CNTN4: variants seen among roughly 807,000 people sequenced by gnomAD.
CNTN4 encodes the protein contactin-4.
CNTN4 carries 77 observed loss-of-function variants against 122.5 expected under a neutral mutation model. The observed-to-expected ratio is 0.63, with a 90% CI of 0.52 to 0.76. The LOEUF (loss-of-function observed/expected upper bound fraction) is 0.76. CNTN4 is among the 30% of genes least tolerant of loss of function. The pLI is 0.00. For synonymous variants in CNTN4, 512 were observed against 447.0 expected (o/e 1.15, Z -1.83); for missense variants, 1,256 against 1,259.1 (o/e 1.00, Z 0.04).
At chr3:2,747,863 A>G (rs945320961) in intron 6 of CNTN4, among the ~76,000 whole-genome samples, 34 of 152,332 alleles carry the variant, frequency 2.2e-4, no homozygotes, top group African/African-American at 8.2e-4. Context: ...TCAAAAATAC[A>G]AAAACAAACT....
chr3:2,445,817 T>C (rs1002435110), intron 3 of CNTN4, among the ~76,000 whole-genome samples: 1 of 152,156 alleles, frequency 6.6e-6, no homozygotes, highest in African/African-American at 2.4e-5. Flanking sequence ...CCCATCTCTC[T>C]CCACCACATC....
At chr3:2,106,377 C>G (rs2032442789) in intron 2 of CNTN4, among the ~76,000 whole-genome samples, 1 of 152,226 alleles carries the variant, frequency 6.6e-6, no homozygotes, top group African/African-American at 2.4e-5. Flanking sequence ...TTCATCACAC[C>G]TCTTGCCTGG....
chr3:2,795,314 G>A (rs539083828), intron 6 of CNTN4, among the ~76,000 whole-genome samples: 3 of 152,158 alleles, frequency 2.0e-5, no homozygotes, highest in African/African-American at 7.2e-5. Flanking sequence ...TGGTGGCATT[G>A]GTTCAAACAT....
At chr3:2,230,452 C>G (rs1248811338) in intron 2 of CNTN4, among the ~76,000 whole-genome samples, 3 of 152,174 alleles carry the variant, frequency 2.0e-5, no homozygotes, top group Non-Finnish European at 4.4e-5. Flanking sequence ...CTGATTTCAA[C>G]ACCGTGCTGG....
intron 15 of CNTN4, among the ~76,000 whole-genome samples, chr3:3,029,960 A>G (rs1699027622): frequency 6.6e-6 from 1 of 152,190 alleles, no homozygotes; most frequent in Non-Finnish European, 1.5e-5. Context: ...TTGGAATGGG[A>G]AAATGAAGGA....
Position 2,936,169 on chromosome 3 carries a change from T to G in CNTN4, c.1358+10390T>G, listed in dbSNP as rs922962318. ...GTCCTCCATCGGTTGAGTTCAGTGT[T>G]TGTACTCAGGTAGTGTCTGCCGTGA... On this transcript the variant is annotated intron_variant, in intron 13 of 24. Transcript: ENST00000418658. Among the ~76,000 whole-genome samples, 18 of 152,274 alleles carry G rather than the reference T, an allele frequency of 1.2e-4. No homozygotes were observed. In the East Asian group the frequency reaches 3.5e-3, roughly 29 times the overall value.
chr3:2,709,416 G>C lies in CNTN4; in HGVS notation c.56-26799G>C, dbSNP rs1205810503. Among the ~76,000 whole-genome samples, 1 of 151,960 alleles carries C rather than the reference G, an allele frequency of 6.6e-6. No homozygotes were observed. Among genetic ancestry groups the C allele is most frequent in the Non-Finnish European group, 1.5e-5 (1 of 67,982 alleles). ...TGGTAAGGGTACAACCTGTGCACCA[G>C]GGATTTTCAAAGTTCCCTCAGGTGA... is the stretch of plus-strand genomic sequence containing the variant. On this transcript the variant is annotated intron_variant, in intron 4 of 24. Coordinates refer to ENST00000418658, the MANE Select transcript of CNTN4 (RefSeq NM_175607.3). The surrounding 1 kb of genome is among the most constrained non-coding windows in gnomAD (Gnocchi z 5.0).
At chr3:2,819,699 C>A in intron 7 of CNTN4, 118 bp downstream of exon 7, 1 of 827,812 alleles carries the variant, frequency 1.2e-6, no homozygotes, top group East Asian at 2.6e-5. Context: ...TCCCAAAGCC[C>A]CTCCATGTGG....
rs368672441 is a variant in CNTN4 at position 2,650,304 on chromosome 3, C to T, written c.55+78746C>T. ...AGCCCAGAGAGAGAAGTGATTGAAT[C>T]GCTGCCATCATGATAAAACTTGAAT... On this transcript the variant is annotated intron_variant, in intron 4 of 24. Coordinates refer to ENST00000418658, the MANE Select transcript of CNTN4 (RefSeq NM_175607.3). Among the ~76,000 whole-genome samples the T allele has an allele frequency of 7.2e-5, 11 of 152,020 alleles. No individual in the cohort carries two copies. The East Asian group carries it at 7.8e-4, about 11-fold the overall frequency.
chr3:2,352,945 T>A (rs2044698188), intron 3 of CNTN4, among the ~76,000 whole-genome samples: 1 of 152,186 alleles, frequency 6.6e-6, no homozygotes, highest in Non-Finnish European at 1.5e-5. Flanking sequence ...CAGTGCTCTG[T>A]GTCTAGCTAA....
At chr3:2,797,922 T>TTA (rs201046096) in intron 6 of CNTN4, among the ~76,000 whole-genome samples, 25 of 134,390 alleles carry the variant, frequency 1.9e-4, no homozygotes, top group African/African-American at 9.0e-4. Flanking sequence ...CACTGAGTAT[T>TTA]TTTTTTTTTT....
At chr3:2,715,130 G>A (rs2087411606) in intron 4 of CNTN4, among the ~76,000 whole-genome samples, 2 of 151,920 alleles carry the variant, frequency 1.3e-5, no homozygotes, top group African/African-American at 4.8e-5. Flanking sequence ...TGTTGCTTTA[G>A]GGTGATCTCC....
In CNTN4 at chr3:2,754,930, A is replaced by C. The variant is rs201935240; in HGVS notation, c.358+9233A>C. Among the ~76,000 whole-genome samples, 12 of 152,264 alleles carry C rather than the reference A, an allele frequency of 7.9e-5. 1 individual carries two copies. In the East Asian group the frequency reaches 2.3e-3, roughly 29 times the overall value. ...CTCATTGAAAAAGATCTTTCTTATG[A>C]CTACTACAGCGAGCCTTAATCTGAG... On this transcript the variant is annotated intron_variant, in intron 6 of 24. Coordinates refer to ENST00000418658, the MANE Select transcript of CNTN4 (RefSeq NM_175607.3).
chr3:2,854,978 G>A (rs962780689), intron 7 of CNTN4, among the ~76,000 whole-genome samples: 4 of 152,124 alleles, frequency 2.6e-5, no homozygotes, highest in Admixed American at 2.6e-4. Flanking sequence ...TATTAATTAT[G>A]ATTTGTCCAG....
chr3:3,030,790 C>T (rs1699096420), intron 15 of CNTN4, 65 bp from the exon 16 acceptor site: 1 of 1,554,180 alleles, frequency 6.4e-7, no homozygotes, highest in Non-Finnish European at 8.9e-7. Flanking sequence ...CCGTGTCCTT[C>T]ATGTGATAAT....
intron 6 of CNTN4, among the ~76,000 whole-genome samples, chr3:2,770,998 C>T (rs1213904094): frequency 2.0e-5 from 3 of 152,168 alleles, no homozygotes; most frequent in African/African-American, 7.2e-5. Context: ...ACTGTTTCCC[C>T]TTCACTGGTA....
intron 7 of CNTN4, among the ~76,000 whole-genome samples, chr3:2,848,445 C>T (rs889662486): frequency 2.0e-5 from 3 of 152,104 alleles, no homozygotes; most frequent in Non-Finnish European, 4.4e-5. Context: ...CAGAAGTCCC[C>T]GTGTTGGTTC....
At chr3:2,951,209 G>C (rs1577378851) in intron 13 of CNTN4, among the ~76,000 whole-genome samples, 1 of 152,086 alleles carries the variant, frequency 6.6e-6, no homozygotes, top group South Asian at 2.1e-4. Flanking sequence ...TCCCCTTTTT[G>C]GCACCAGGAA....
chr3:2,280,953 C>G (rs189708273), intron 2 of CNTN4, among the ~76,000 whole-genome samples: 1 of 152,170 alleles, frequency 6.6e-6, no homozygotes, highest in Admixed American at 6.5e-5. Flanking sequence ...GAGGAGGCCT[C>G]TCCTTGCTCT....
Sources: gnomAD v4.1 joint callset for allele counts (sites outside exome capture counted in the v4.1 genomes callset) on GRCh38, gnomAD v4.1.1 for gene constraint, Gnocchi (gnomAD v3.1) non-coding constraint, MANE v1.5 for transcripts, NCBI Gene and HGNC (gene_info 2026-07-23, HGNC 2026-07-21) for gene names.